ZNF592: variants seen among roughly 807,000 people sequenced by gnomAD.
ZNF592 encodes zinc finger protein 592.
A neutral mutation model predicts 80.3 loss-of-function variants in ZNF592; 11 were observed. The ratio of observed to expected loss-of-function variants is 0.14; its 90% CI spans 0.09 to 0.23. The LOEUF (loss-of-function observed/expected upper bound fraction) is 0.23. Ranked by LOEUF, ZNF592 falls within the 10% of genes least tolerant of loss-of-function variation. ZNF592 has a pLI of 1.00. For synonymous variants in ZNF592, 646 were observed against 640.3 expected (o/e 1.01, Z -0.13); for missense variants, 1,420 against 1,633.9 (o/e 0.87, Z 2.26).
At position 84,784,248 on chromosome 15, in the gene ZNF592, G is replaced by T. The variant is rs778153793; in HGVS notation, c.1573G>T (p.Val525Leu). Residue 525 changes from valine (V) to leucine (L), a missense_variant, in exon 4 of 11, where the codon GTG becomes TTG. By Grantham distance (32) the Val-to-Leu change is conservative. Coordinates refer to ENST00000560079, the MANE Select transcript of ZNF592 (RefSeq NM_014630.3). The surrounding 1 kb of genome is among the most constrained non-coding windows in gnomAD (Gnocchi z 5.8). ...TGCATCAGTGACAGCCAAGTCTTCAGTGCAAAGACGGAGCCAGCCACAGCT... is the reference window on the plus strand; with the variant it reads ...TGCATCAGTGACAGCCAAGTCTTCATTGCAAAGACGGAGCCAGCCACAGCT... ...VAASVTAKSS[V>L]QRRSQPQLTQ... The T allele has an allele frequency of 6.2e-7, 1 of 1,614,252 alleles. No homozygotes were observed. Among genetic ancestry groups the T allele is most frequent in the Non-Finnish European group, 8.5e-7 (1 of 1,180,056 alleles).
At chr15:84,753,301 T>C (rs1899066315) in intron 1 of ZNF592, 1 of 152,304 alleles carries the variant, frequency 6.6e-6, no homozygotes, top group Non-Finnish European at 1.5e-5. Context: ...CGGAAGTTGT[T>C]CTGGGAACAG....
chr15:84,796,239 A>AAT (rs1285421952), intron 5 of ZNF592, among the ~76,000 whole-genome samples: 5 of 33,306 alleles, frequency 1.5e-4, no homozygotes, highest in South Asian at 8.9e-4. Context: ...AAAAAAAAAA[A>AAT]ATATATATAT....
At chr15:84,769,812 T>A (rs1291269508) in intron 2 of ZNF592, among the ~76,000 whole-genome samples, 1 of 152,220 alleles carries the variant, frequency 6.6e-6, no homozygotes, top group Non-Finnish European at 1.5e-5. Flanking sequence ...TTGCCTAGGC[T>A]GGAGTGCAGT....
intron 5 of ZNF592, 36 bp downstream of exon 5, chr15:84,790,919 C>G: frequency 6.2e-7 from 1 of 1,613,368 alleles, no homozygotes; most frequent in Non-Finnish European, 8.5e-7. Flanking sequence ...TGGTATTGCC[C>G]AATGGCTGGT....
intron 1 of ZNF592, among the ~76,000 whole-genome samples, chr15:84,755,260 C>T (rs1291931461): frequency 6.6e-6 from 1 of 151,802 alleles, no homozygotes; most frequent in African/African-American, 2.4e-5. Context: ...GTCACTGCAC[C>T]TGGCTGAGAT....
In ZNF592 at chr15:84,804,103, G is replaced by A. The variant is rs1012343969; in HGVS notation, c.*1710G>A. ...AGTGGGAAAGGTTGCCTCACTTTCAGAGAGACTCTCGCTGTCTGCACCCTT... is the reference window on the plus strand; with the variant it reads ...AGTGGGAAAGGTTGCCTCACTTTCAAAGAGACTCTCGCTGTCTGCACCCTT... On this transcript the variant is annotated 3_prime_UTR_variant, in exon 11 of 11. Coordinates refer to ENST00000560079, the MANE Select transcript of ZNF592 (RefSeq NM_014630.3). 3 of 152,226 alleles carry A rather than the reference G, an allele frequency of 2.0e-5. No homozygotes were observed. Among genetic ancestry groups the A allele is most frequent in the Non-Finnish European group, 2.9e-5 (2 of 68,044 alleles). The allele number at this position is 152,226 out of a possible 1,614,324, so 9.4% of individuals were successfully genotyped here. A position where few individuals can be genotyped will look rare whatever the true frequency, so the allele number is the denominator to read the frequency against.
intron 5 of ZNF592, among the ~76,000 whole-genome samples, chr15:84,795,521 AAT>A (rs1491141047): frequency 6.6e-6 from 1 of 152,274 alleles, no homozygotes; most frequent in Non-Finnish European, 1.5e-5. Flanking sequence ...ATTCGAAAAG[AAT>A]GTATTTCTAC....
intron 4 of ZNF592, among the ~76,000 whole-genome samples, chr15:84,787,324 T>C (rs1358433068): frequency 6.6e-6 from 1 of 152,202 alleles, no homozygotes; most frequent in East Asian, 1.9e-4. Flanking sequence ...ATCAGGCCTC[T>C]CTCAGCCAGC....
intron 2 of ZNF592, among the ~76,000 whole-genome samples, chr15:84,769,889 C>T (rs1295258160): frequency 6.6e-6 from 1 of 152,204 alleles, no homozygotes; most frequent in Non-Finnish European, 1.5e-5. Flanking sequence ...GATCCTCCTA[C>T]CTCAGCCTCC....
rs1962994323 is a variant in ZNF592 at position 84,798,577 on chromosome 15, C to T, written c.2737-11C>T. 6 of 1,614,110 alleles carry T rather than the reference C, an allele frequency of 3.7e-6. No homozygotes were observed. The highest frequency in any genetic ancestry group is 1.3e-5 in the African/African-American group (1 of 75,042). On this transcript the variant is annotated splice_polypyrimidine_tract_variant and intron_variant, in intron 7 of 10. Transcript: ENST00000560079. The surrounding 1 kb of genome is among the most constrained non-coding windows in gnomAD (Gnocchi z 4.5). ...CCTTGCCCAGTCAGTAATCGCTCTCCCCATCCCCAGAGCACCCACGGTGTT... is the reference window on the plus strand; with the variant it reads ...CCTTGCCCAGTCAGTAATCGCTCTCTCCATCCCCAGAGCACCCACGGTGTT...
chr15:84,790,668 C>T (rs772090858), intron 4 of ZNF592, 37 bp from the exon 5 acceptor site: 2 of 1,611,258 alleles, frequency 1.2e-6, no homozygotes, highest in Admixed American at 1.7e-5. Context: ...AGGCCTATGG[C>T]CCCTGCATGA....
At chr15:84,767,343 T>A (rs1001872633) in intron 2 of ZNF592, among the ~76,000 whole-genome samples, 3 of 151,924 alleles carry the variant, frequency 2.0e-5, no homozygotes, top group Non-Finnish European at 4.4e-5. Context: ...TTTTCTAGGG[T>A]CCTTTGCGTC....
chr15:84,789,951 C>T (rs554606207), intron 4 of ZNF592, among the ~76,000 whole-genome samples: 2 of 152,296 alleles, frequency 1.3e-5, no homozygotes, highest in East Asian at 1.9e-4. Context: ...CCCATCAGAG[C>T]GTAATTAGTC....
rs73455512 is a variant in ZNF592 at position 84,749,331 on chromosome 15, G to A, written c.-259+667G>A. On this transcript the variant is annotated intron_variant, in intron 1 of 10. Transcript: ENST00000560079. Reference sequence around the variant, plus strand: ...GCGGGAGGCTCAGTGTGACCTGAGGGAGGACAGGAGAGCGTCTGCTGGACA... The same window carrying A: ...GCGGGAGGCTCAGTGTGACCTGAGGAAGGACAGGAGAGCGTCTGCTGGACA... Among the ~76,000 whole-genome samples the A allele has an allele frequency of 9.3e-3, 1,416 of 152,332 alleles. 23 individuals are homozygous for A. The highest frequency in any genetic ancestry group is 0.033 in the African/African-American group (1,359 of 41,578).
chr15:84,754,953 C>T (rs1291626334), intron 1 of ZNF592, among the ~76,000 whole-genome samples: 1 of 149,268 alleles, frequency 6.7e-6, no homozygotes, highest in Non-Finnish European at 1.5e-5. Context: ...TTATTGCAAT[C>T]CCCTGAGTTG....
chr15:84,785,086 A>T (rs553875876), intron 4 of ZNF592, among the ~76,000 whole-genome samples, 191 bp downstream of exon 4: 1 of 152,118 alleles, frequency 6.6e-6, no homozygotes, highest in East Asian at 1.9e-4. Flanking sequence ...CTGAGGTGAG[A>T]CCCTAATTTA....
rs1217461760 is a variant in ZNF592, at chr15:84,799,993, C to G, written c.3273+16C>G. 1.2e-6 allele frequency: 2 copies of G among 1,614,126 alleles called. No individual in the cohort carries two copies. The highest frequency in any genetic ancestry group is 1.7e-6 in the Non-Finnish European group (2 of 1,180,002). ...TTCCCCTCAGGTGAGTGTGGGCTCC[C>G]TGCCTATTGGAGCTGGCTGCTCAGT... On this transcript the variant is annotated intron_variant, in intron 10 of 10. Transcript: ENST00000560079. This position sits in a 1 kb window ranked among gnomAD's most constrained non-coding sequence, Gnocchi z 4.2.
chr15:84,791,013 A>C lies in ZNF592; in HGVS notation c.2399+130A>C, dbSNP rs1962732014. ...AGTCTACACAGGACAAGAGCATTGG[A>C]TGGTATGTGGACAGACATTTTTTAT... On this transcript the variant is annotated intron_variant, in intron 5 of 10. Transcript: ENST00000560079. The C allele has an allele frequency of 6.0e-6, 6 of 1,003,260 alleles. No homozygotes were observed. The East Asian group carries it at 1.5e-4, about 25-fold the overall frequency. 62.1% of individuals were successfully genotyped at this position (1,003,260 alleles called of 1,614,324 possible).
intron 4 of ZNF592, among the ~76,000 whole-genome samples, chr15:84,789,053 A>C (rs1455998967): frequency 1.3e-5 from 2 of 151,090 alleles, no homozygotes; most frequent in Non-Finnish European, 2.9e-5. Flanking sequence ...TCTATTTAAA[A>C]AAAAAAAAAC....
Sources: gnomAD v4.1 joint callset for allele counts (sites outside exome capture counted in the v4.1 genomes callset) on GRCh38, gnomAD v4.1.1 for gene constraint, Gnocchi (gnomAD v3.1) non-coding constraint, MANE v1.5 for transcripts, NCBI Gene and HGNC (gene_info 2026-07-23, HGNC 2026-07-21) for gene names.